Variants in EPHA6 observed in about 807,000 individuals in gnomAD.
EPHA6 encodes EPH receptor A6, also known as ephrin type-A receptor 6.
A neutral mutation model predicts 112.0 loss-of-function variants in EPHA6; 50 were observed. The observed-to-expected ratio is 0.45, with a 90% CI of 0.36 to 0.56. The LOEUF is 0.56. Ranked by LOEUF, EPHA6 falls within the 20% of genes least tolerant of loss-of-function variation. The pLI is 0.00. For missense variants in EPHA6, 1,280 were observed against 1,417.4 expected (o/e 0.90, Z 1.56); for synonymous variants, 529 against 490.7 (o/e 1.08, Z -1.03).
rs897062965 is a variant in EPHA6 at position 97,760,781 on chromosome 3, CT to C, written c.*12081del. 1 of 180,008 alleles carries C rather than the reference CT, an allele frequency of 5.6e-6. No homozygotes were observed. Among genetic ancestry groups the C allele is most frequent in the Non-Finnish European group, 1.2e-5 (1 of 84,308 alleles). 11.2% of individuals were successfully genotyped at this position (180,008 alleles called of 1,614,324 possible). ...TAATCCCTCATAGAGCTATATTTGA[CT>C]AATAAAAAACGACAGCTAAAAATAA... On this transcript the variant is annotated 3_prime_UTR_variant, in exon 18 of 18. Coordinates refer to ENST00000389672, the MANE Select transcript of EPHA6 (RefSeq NM_001080448.3).
At chr3:97,306,349 A>G (rs969354991) in intron 5 of EPHA6, among the ~76,000 whole-genome samples, 2 of 141,996 alleles carry the variant, frequency 1.4e-5, no homozygotes, top group African/African-American at 5.3e-5. Context: ...TTACCTGAGC[A>G]TTCTCCACTT....
At chr3:97,681,574 A>C (rs1021963688) in intron 14 of EPHA6, among the ~76,000 whole-genome samples, 1 of 152,132 alleles carries the variant, frequency 6.6e-6, no homozygotes, top group Non-Finnish European at 1.5e-5. Context: ...TCTCCCAAAC[A>C]TATTATTTAA....
intron 3 of EPHA6, among the ~76,000 whole-genome samples, chr3:97,089,450 C>A (rs994676063): frequency 6.6e-6 from 1 of 151,888 alleles, no homozygotes; most frequent in African/African-American, 2.4e-5. Flanking sequence ...TTTCTGTATT[C>A]TTTCTGTAAT....
At chr3:96,959,771 AAAAC>A (rs1390986563) in intron 2 of EPHA6, among the ~76,000 whole-genome samples, 2 of 151,936 alleles carry the variant, frequency 1.3e-5, no homozygotes, top group Admixed American at 6.6e-5. Flanking sequence ...ATGAAACAGA[AAAAC>A]AAAAAAAATC....
In EPHA6 at chr3:96,980,776, A is replaced by G. The variant is rs577150164; in HGVS notation, c.451-6554A>G. ...GAAGAGGTTCTTCACATCCCTGGTA[A>G]GTTGGATTCCTAGGTATTTTATTCT... On this transcript the variant is annotated intron_variant, in intron 2 of 17. Transcript: ENST00000389672. Among the ~76,000 whole-genome samples the G allele has an allele frequency of 2.6e-5, 4 of 152,230 alleles. No individual in the cohort carries two copies. The East Asian group carries it at 7.7e-4, about 29-fold the overall frequency.
chr3:97,577,633 C>A (rs2093399433), intron 11 of EPHA6, among the ~76,000 whole-genome samples: 1 of 152,136 alleles, frequency 6.6e-6, no homozygotes, highest in South Asian at 2.1e-4. Flanking sequence ...TAAGGCAATG[C>A]TCTTAACTGT....
intron 5 of EPHA6, among the ~76,000 whole-genome samples, chr3:97,298,616 A>T (rs1195734603): frequency 6.6e-6 from 1 of 152,176 alleles, no homozygotes; most frequent in Non-Finnish European, 1.5e-5. Context: ...TTCAATCTTA[A>T]TTACCAAATA....
intron 13 of EPHA6, among the ~76,000 whole-genome samples, chr3:97,628,232 T>C (rs537233852): frequency 6.6e-6 from 1 of 151,948 alleles, no homozygotes; most frequent in Non-Finnish European, 1.5e-5. Context: ...TCAAAGTCTA[T>C]GATGTATGTT....
chr3:97,475,602 C>CATCAT (rs985772273), intron 8 of EPHA6, 142 bp downstream of exon 8: 1 of 568,202 alleles, frequency 1.8e-6, no homozygotes, highest in African/African-American at 1.9e-5. Flanking sequence ...GACAGTGAAC[C>CATCAT]ATCATTAGTT....
At chr3:96,879,548 C>T (rs111436705) in intron 2 of EPHA6, among the ~76,000 whole-genome samples, 1,580 of 152,022 alleles carry the variant, frequency 0.01, 26 homozygotes, top group African/African-American at 0.036. Context: ...AGTGGAGTGA[C>T]TATGGTTACA....
chr3:97,147,987 G>A (rs1361400116), intron 3 of EPHA6, among the ~76,000 whole-genome samples: 1 of 152,010 alleles, frequency 6.6e-6, no homozygotes, highest in African/African-American at 2.4e-5. Flanking sequence ...AACTAGGTGA[G>A]GGGTATATAA....
intron 3 of EPHA6, among the ~76,000 whole-genome samples, chr3:97,047,619 C>T (rs2045557611): frequency 6.6e-6 from 1 of 150,582 alleles, no homozygotes; most frequent in Non-Finnish European, 1.5e-5. Flanking sequence ...AAACTTTGTA[C>T]AGATTATCTT....
chr3:97,357,966 G>C (rs1240642105), intron 5 of EPHA6, among the ~76,000 whole-genome samples: 1 of 152,084 alleles, frequency 6.6e-6, no homozygotes, highest in Non-Finnish European at 1.5e-5. Context: ...GCTGTCTTAG[G>C]CATGGCAGAT....
chr3:96,911,167 A>C (rs2107602283), intron 2 of EPHA6, among the ~76,000 whole-genome samples: 1 of 152,200 alleles, frequency 6.6e-6, no homozygotes, highest in African/African-American at 2.4e-5. Flanking sequence ...CAGTTTTACA[A>C]GTTTTCTGTT....
chr3:97,054,858 CT>C (rs142842874), intron 3 of EPHA6, among the ~76,000 whole-genome samples: 3 of 151,272 alleles, frequency 2.0e-5, no homozygotes, highest in African/African-American at 7.3e-5. Flanking sequence ...ATCATGGGTA[CT>C]TTTTTTTTCT....
chr3:96,916,158 G>T (rs1356845291), intron 2 of EPHA6, among the ~76,000 whole-genome samples: 2 of 152,106 alleles, frequency 1.3e-5, no homozygotes, highest in African/African-American at 4.8e-5. Context: ...AAAGAATGTT[G>T]TGGAAATATT....
chr3:97,400,161 C>T lies in EPHA6; in HGVS notation c.1607-4989C>T, dbSNP rs530340262. Among the ~76,000 whole-genome samples, 134 of 151,508 alleles carry T rather than the reference C, an allele frequency of 8.8e-4. 1 individual carries two copies. Among genetic ancestry groups the T allele is most frequent in the South Asian group, 3.7e-3 (18 of 4,814 alleles). On this transcript the variant is annotated intron_variant, in intron 5 of 17. Coordinates refer to ENST00000389672, the MANE Select transcript of EPHA6 (RefSeq NM_001080448.3). Reference sequence around the variant, plus strand: ...TCTAGTTTCATTTTCTGCATGTGGACGTACAGTTTTCCCAGCACCATTTAT... The same window carrying T: ...TCTAGTTTCATTTTCTGCATGTGGATGTACAGTTTTCCCAGCACCATTTAT...
chr3:97,280,029 G>A (rs965472490), intron 5 of EPHA6, among the ~76,000 whole-genome samples: 6 of 152,150 alleles, frequency 3.9e-5, no homozygotes, highest in Non-Finnish European at 5.9e-5. Context: ...GGGATTACAG[G>A]CACCTGCCAC....
chr3:97,526,707 T>C (rs919821129), intron 10 of EPHA6, among the ~76,000 whole-genome samples: 1 of 152,110 alleles, frequency 6.6e-6, no homozygotes, highest in African/African-American at 2.4e-5. Flanking sequence ...GGATCTGTTA[T>C]GGGATGGAAG....
Sources: allele counts gnomAD v4.1 joint callset (sites outside exome capture counted in the v4.1 genomes callset), GRCh38; gene constraint gnomAD v4.1.1; transcripts MANE v1.5; gene names NCBI Gene and HGNC (gene_info 2026-07-23, HGNC 2026-07-21).